The following GALNTL6 variants were observed in gnomAD, a reference collection of about 807,000 sequenced individuals.
GALNTL6 encodes the protein polypeptide N-acetylgalactosaminyltransferase-like 6.
GALNTL6 carries 46 observed loss-of-function variants against 73.7 expected under a neutral mutation model. The observed-to-expected ratio is 0.62, with a 90% CI of 0.49 to 0.80. GALNTL6 has a LOEUF of 0.80. GALNTL6 is among the 30% of genes least tolerant of loss of function. The probability of loss-of-function intolerance (pLI) is 0.00; values close to 1 mark genes in which losing one functional copy is unlikely to be tolerated. For missense variants in GALNTL6, 604 were observed against 755.0 expected, an observed-to-expected ratio of 0.80 and a Z score of 2.34; for synonymous variants, 259 against 263.7, an observed-to-expected ratio of 0.98 and a Z score of 0.17.
intron 8 of GALNTL6, among the ~76,000 whole-genome samples, chr4:172,888,629 T>C (rs1370610021): frequency 1.3e-5 from 2 of 152,334 alleles, no homozygotes; most frequent in African/African-American, 2.4e-5. Context: ...TCTGTTTTCG[T>C]ACCAGTACCC....
intron 10 of GALNTL6, among the ~76,000 whole-genome samples, chr4:172,980,094 G>A (rs926429893): frequency 2.0e-5 from 3 of 152,170 alleles, no homozygotes; most frequent in East Asian, 1.9e-4. Context: ...CACAGAGGCC[G>A]TATTGACTAC....
At chr4:172,678,055 G>T (rs146750033) in intron 5 of GALNTL6, among the ~76,000 whole-genome samples, 2 of 152,276 alleles carry the variant, frequency 1.3e-5, no homozygotes, top group East Asian at 3.9e-4. Context: ...ATTCATGTGC[G>T]TGTCTTTGTT....
intron 2 of GALNTL6, among the ~76,000 whole-genome samples, chr4:172,140,868 A>C (rs925413290): frequency 6.6e-6 from 1 of 152,032 alleles, no homozygotes; most frequent in Admixed American, 6.6e-5. Context: ...ACTCAGGATT[A>C]AAAGGAGGAA....
At chr4:172,339,849 T>G (rs1012587074) in intron 4 of GALNTL6, among the ~76,000 whole-genome samples, 7 of 152,202 alleles carry the variant, frequency 4.6e-5, no homozygotes, top group Admixed American at 4.6e-4. Flanking sequence ...GGTCTTCTTT[T>G]TGGGATCTGG....
chr4:172,118,843 T>C (rs186420320), intron 2 of GALNTL6, among the ~76,000 whole-genome samples: 645 of 152,188 alleles, frequency 4.2e-3, no homozygotes, highest in Admixed American at 7.1e-3. Context: ...TTTTTCTTTT[T>C]TTGTGAACTG....
intron 2 of GALNTL6, among the ~76,000 whole-genome samples, chr4:172,004,072 C>T (rs967174856): frequency 1.3e-5 from 2 of 152,074 alleles, no homozygotes; most frequent in African/African-American, 4.8e-5. Context: ...GTTTGCATAC[C>T]TAGTTCCTAG....
At chr4:172,775,552 C>T (rs1473369794) in intron 5 of GALNTL6, among the ~76,000 whole-genome samples, 1 of 152,134 alleles carries the variant, frequency 6.6e-6, no homozygotes, top group Non-Finnish European at 1.5e-5. Flanking sequence ...CAGAGAATAT[C>T]CATCTGGGAA....
At chr4:172,576,312 A>T (rs1158571354) in intron 5 of GALNTL6, among the ~76,000 whole-genome samples, 1 of 152,198 alleles carries the variant, frequency 6.6e-6, no homozygotes, top group Non-Finnish European at 1.5e-5. Context: ...TGGTTACCTT[A>T]CAGTCCTCTG....
At chr4:172,352,403 A>G (rs1279786610) in intron 5 of GALNTL6, among the ~76,000 whole-genome samples, 1 of 152,138 alleles carries the variant, frequency 6.6e-6, no homozygotes, top group Non-Finnish European at 1.5e-5. Flanking sequence ...TGCTATCTGA[A>G]GCTTACCAAA....
intron 3 of GALNTL6, among the ~76,000 whole-genome samples, chr4:172,284,885 C>T (rs1739193399): frequency 6.6e-6 from 1 of 152,106 alleles, no homozygotes. Context: ...TATGATGCCT[C>T]TAGCTTTGTG....
chr4:172,879,713 G>A (rs1366435380), intron 7 of GALNTL6, among the ~76,000 whole-genome samples: 1 of 150,804 alleles, frequency 6.6e-6, no homozygotes, highest in African/African-American at 2.4e-5. Flanking sequence ...TAAATAACCA[G>A]GAAAGAAGAG....
chr4:172,578,143 A>T (rs112055598), intron 5 of GALNTL6, among the ~76,000 whole-genome samples: 44 of 152,298 alleles, frequency 2.9e-4, no homozygotes, highest in African/African-American at 1.0e-3. Context: ...TCAATATCAT[A>T]TGTGGTAAAA....
At chr4:172,496,251 A>C (rs565712832) in intron 5 of GALNTL6, among the ~76,000 whole-genome samples, 37 of 152,364 alleles carry the variant, frequency 2.4e-4, no homozygotes, top group Admixed American at 2.4e-3. Flanking sequence ...TGACCTTACA[A>C]ATTTTGCAAA....
intron 5 of GALNTL6, among the ~76,000 whole-genome samples, chr4:172,455,620 G>A (rs911112175): frequency 1.3e-5 from 2 of 152,100 alleles, no homozygotes; most frequent in African/African-American, 2.4e-5. Context: ...AGCCCACCGC[G>A]TCTCGGCAAA....
intron 5 of GALNTL6, among the ~76,000 whole-genome samples, chr4:172,652,263 T>C (rs1740509373): frequency 6.6e-6 from 1 of 152,180 alleles, no homozygotes; most frequent in Admixed American, 6.5e-5. Flanking sequence ...AGTTCCATTT[T>C]TTTTCCTCAA....
chr4:171,903,741 C>T (rs1482624939), intron 2 of GALNTL6, among the ~76,000 whole-genome samples: 1 of 151,954 alleles, frequency 6.6e-6, no homozygotes, highest in Non-Finnish European at 1.5e-5. Context: ...CTTAAATGTC[C>T]CCGTCTGACA....
At chr4:172,487,300 G>GTCTGTCTT (rs1733712290) in intron 5 of GALNTL6, among the ~76,000 whole-genome samples, 1 of 118,628 alleles carries the variant, frequency 8.4e-6, no homozygotes, top group African/African-American at 3.2e-5. Context: ...CTTTCCTTCT[G>GTCTGTCTT]TCTTTCTTTC....
intron 9 of GALNTL6, among the ~76,000 whole-genome samples, chr4:172,935,983 G>C (rs971633488): frequency 6.6e-6 from 1 of 152,132 alleles, no homozygotes; most frequent in Non-Finnish European, 1.5e-5. Flanking sequence ...CACAAAAAAA[G>C]AAACTTTCTG....
intron 5 of GALNTL6, among the ~76,000 whole-genome samples, chr4:172,384,915 T>C (rs1040966732): frequency 2.6e-5 from 4 of 151,684 alleles, no homozygotes; most frequent in Non-Finnish European, 5.9e-5. Flanking sequence ...CTGGCTAAGG[T>C]TTGTTGTGTT....
Sources: allele counts gnomAD v4.1 joint callset (sites outside exome capture counted in the v4.1 genomes callset), GRCh38; gene constraint gnomAD v4.1.1; transcripts MANE v1.5; gene names NCBI Gene and HGNC (gene_info 2026-07-23, HGNC 2026-07-21).